The following CDH20 variants were observed in gnomAD, a reference collection of about 807,000 sequenced individuals.
The protein encoded by CDH20 is cadherin 20.
In CDH20, 29 loss-of-function variants were observed where a neutral mutation model predicts 74.2. The ratio of observed to expected loss-of-function variants is 0.39; its 90% CI spans 0.29 to 0.53. CDH20 has a LOEUF of 0.53. Ranked by LOEUF, CDH20 falls within the 20% of genes least tolerant of loss-of-function variation. The probability of loss-of-function intolerance (pLI) is 0.69; values close to 1 mark genes in which losing one functional copy is unlikely to be tolerated. For missense variants in CDH20, 988 were observed against 1,048.3 expected (o/e 0.94, Z 0.79); for synonymous variants, 469 against 405.4 (o/e 1.16, Z -1.88).
At chr18:61,486,033 A>C (rs1910750370) in intron 1 of CDH20, among the ~76,000 whole-genome samples, 1 of 152,164 alleles carries the variant, frequency 6.6e-6, no homozygotes, top group Non-Finnish European at 1.5e-5. Context: ...AGACTGCGCC[A>C]CTGCAGTCCA....
At chr18:61,419,236 T>C (rs938321589) in intron 1 of CDH20, among the ~76,000 whole-genome samples, 13 of 152,114 alleles carry the variant, frequency 8.5e-5, no homozygotes, top group African/African-American at 2.2e-4. Flanking sequence ...TGGCTAATTA[T>C]TACATTTTTT....
rs749456594 is a variant in CDH20, at chr18:61,555,315, A to T, written c.*620A>T. On this transcript the variant is annotated 3_prime_UTR_variant, in exon 12 of 12. Transcript: ENST00000262717. ...AGGGTGGGTGAAGGAAGAGACATTGACTTTATGCTCAAGTTTAGTGGCTGA... is the reference window on the plus strand; with the variant it reads ...AGGGTGGGTGAAGGAAGAGACATTGTCTTTATGCTCAAGTTTAGTGGCTGA... 1 of 985,352 alleles carries T rather than the reference A, an allele frequency of 1.0e-6. No individual in the cohort carries two copies. Among genetic ancestry groups the T allele is most frequent in the East Asian group, 1.1e-4 (1 of 8,820 alleles). 61.0% of individuals were successfully genotyped at this position (985,352 alleles called of 1,614,324 possible).
At chr18:61,405,016 C>T in intron 1 of CDH20, 1 of 700,932 alleles carries the variant, frequency 1.4e-6, no homozygotes, top group East Asian at 2.8e-5. Context: ...ACCAACATTG[C>T]ATAGTACTCC....
intron 1 of CDH20, among the ~76,000 whole-genome samples, chr18:61,437,256 T>G (rs943960517): frequency 1.3e-5 from 2 of 152,162 alleles, no homozygotes; most frequent in Non-Finnish European, 2.9e-5. Context: ...GGTAGTTCCC[T>G]GGGGGCCTGT....
chr18:61,462,548 T>C (rs1209293411), intron 1 of CDH20, among the ~76,000 whole-genome samples: 2 of 152,138 alleles, frequency 1.3e-5, no homozygotes, highest in Non-Finnish European at 2.9e-5. Flanking sequence ...TGGCTAGCAT[T>C]TTCTCAGTGA....
intron 1 of CDH20, among the ~76,000 whole-genome samples, chr18:61,351,327 G>T (rs1039716028): frequency 6.6e-6 from 1 of 152,092 alleles, no homozygotes; most frequent in African/African-American, 2.4e-5. Flanking sequence ...GTAGTCTCAG[G>T]TGGGGGTTCA....
At chr18:61,405,206 C>A in intron 1 of CDH20, 1 of 436,106 alleles carries the variant, frequency 2.3e-6, no homozygotes. Context: ...CAGCCACCAT[C>A]TTTCTGCCTT....
chr18:61,372,700 A>G (rs1911083880), intron 1 of CDH20, among the ~76,000 whole-genome samples: 1 of 152,174 alleles, frequency 6.6e-6, no homozygotes. Flanking sequence ...GCTTTATTGG[A>G]AAACAGCTAC....
intron 1 of CDH20, among the ~76,000 whole-genome samples, chr18:61,368,559 A>G (rs1005033358): frequency 4.9e-4 from 74 of 152,120 alleles, no homozygotes; most frequent in Admixed American, 1.5e-3. Context: ...GATTAAAAAC[A>G]AAAATTTTTG....
At chr18:61,484,172 CT>C (rs1910680383) in intron 1 of CDH20, among the ~76,000 whole-genome samples, 1 of 152,160 alleles carries the variant, frequency 6.6e-6, no homozygotes, top group Non-Finnish European at 1.5e-5. Flanking sequence ...TAAATACATG[CT>C]TTTTATAAAG....
Position 61,420,383 on chromosome 18 carries a change from T to TG in CDH20, c.-152-70019_-152-70018insG, listed in dbSNP as rs1320452560. Among the ~76,000 whole-genome samples the TG allele has an allele frequency of 2.0e-5, 3 of 151,592 alleles. No individual in the cohort carries two copies. The East Asian group carries it at 5.8e-4, about 29-fold the overall frequency. On this transcript the variant is annotated intron_variant, in intron 1 of 11. Transcript: ENST00000262717. ...TTTTTTTTTTTTTTTTCAACAAATA[T>TG]TTTTTGAGTGACCTCCGTGGGCCGG...
At chr18:61,483,329 G>T (rs991463411) in intron 1 of CDH20, among the ~76,000 whole-genome samples, 1 of 152,090 alleles carries the variant, frequency 6.6e-6, no homozygotes, top group Non-Finnish European at 1.5e-5. Context: ...GGCATTGAGA[G>T]GCCTTGAAAG....
intron 11 of CDH20, among the ~76,000 whole-genome samples, chr18:61,553,759 A>G (rs962615169): frequency 6.6e-6 from 1 of 152,190 alleles, no homozygotes; most frequent in Non-Finnish European, 1.5e-5. Flanking sequence ...CCACCTACAT[A>G]ATAAGACTTT....
At position 61,526,222 on chromosome 18, in the gene CDH20, G is replaced by A. The variant is rs1315055805; in HGVS notation, c.1018-1745G>A. Reference sequence around the variant, plus strand: ...CGGCTCACCGCAACCTCCACCTCCCGGGTTCAAGTGATTCTCCTGCCTCAG... The same window carrying A: ...CGGCTCACCGCAACCTCCACCTCCCAGGTTCAAGTGATTCTCCTGCCTCAG... On this transcript the variant is annotated intron_variant, in intron 6 of 11. Coordinates refer to ENST00000262717, the MANE Select transcript of CDH20 (RefSeq NM_031891.4). Among the ~76,000 whole-genome samples, 33 of 143,104 alleles carry A rather than the reference G, an allele frequency of 2.3e-4. No homozygotes were observed. The East Asian group carries it at 2.9e-3, about 13-fold the overall frequency. 93.9% of individuals were successfully genotyped at this position (143,104 alleles called of 152,430 possible). A position where few individuals can be genotyped will look rare whatever the true frequency, so the allele number is the denominator to read the frequency against.
chr18:61,497,896 G>C (rs542061380), intron 2 of CDH20, among the ~76,000 whole-genome samples: 1 of 152,196 alleles, frequency 6.6e-6, no homozygotes, highest in Admixed American at 6.5e-5. Flanking sequence ...TAACAACCCA[G>C]GCAACAATGG....
At chr18:61,356,247 T>C (rs1418402203) in intron 1 of CDH20, among the ~76,000 whole-genome samples, 1 of 152,258 alleles carries the variant, frequency 6.6e-6, no homozygotes, top group African/African-American at 2.4e-5. Flanking sequence ...TCATGGATCT[T>C]TGCAATGTGC....
chr18:61,458,456 C>T (rs530499353), intron 1 of CDH20, among the ~76,000 whole-genome samples: 20 of 152,276 alleles, frequency 1.3e-4, no homozygotes, highest in Middle Eastern at 3.4e-3. Flanking sequence ...TCTTCCCACA[C>T]GAGACCACCA....
At chr18:61,430,843 T>C (rs1913229638) in intron 1 of CDH20, among the ~76,000 whole-genome samples, 2 of 152,180 alleles carry the variant, frequency 1.3e-5, no homozygotes, top group African/African-American at 4.8e-5. Context: ...TCTGGGTCCA[T>C]CTTGGGTGTT....
chr18:61,349,227 A>G (rs1341586389), intron 1 of CDH20, among the ~76,000 whole-genome samples: 1 of 152,198 alleles, frequency 6.6e-6, no homozygotes, highest in Non-Finnish European at 1.5e-5. Context: ...GATTTTCACC[A>G]TCTGCTTCCT....
Sources: allele counts gnomAD v4.1 joint callset (sites outside exome capture counted in the v4.1 genomes callset), GRCh38; gene constraint gnomAD v4.1.1; transcripts MANE v1.5; gene names NCBI Gene and HGNC (gene_info 2026-07-23, HGNC 2026-07-21).